The following FBXO36 variants were observed in gnomAD, a reference collection of about 807,000 sequenced individuals.
FBXO36 encodes the protein F-box protein 36.
In FBXO36, 18 loss-of-function variants were observed where a neutral mutation model predicts 17.0. The ratio of observed to expected loss-of-function variants is 1.06; its 90% confidence interval spans 0.73 to 1.57. The LOEUF (loss-of-function observed/expected upper bound fraction) is 1.57, where lower values mean the gene tolerates loss of function less well. Among genes scored for constraint, FBXO36 ranks in the 40% most tolerant of loss-of-function variants. The probability of loss-of-function intolerance (pLI) is 0.00; values close to 1 mark genes in which losing one functional copy is unlikely to be tolerated. For synonymous variants in FBXO36, 83 were observed against 85.3 expected (o/e 0.97, Z 0.15); for missense variants, 229 against 221.9 (o/e 1.03, Z -0.20).
At chr2:229,956,426 A>G (rs1189406790) in intron 1 of FBXO36, among the ~76,000 whole-genome samples, 1 of 152,220 alleles carries the variant, frequency 6.6e-6, no homozygotes, top group African/African-American at 2.4e-5. Flanking sequence ...GAAAAGGGGC[A>G]TCACAAGAAA....
In FBXO36 at chr2:230,011,598, C is replaced by CTTTTTTTTTTTT. The variant is rs5839351; in HGVS notation, c.*720_*731dup. On this transcript the variant is annotated 3_prime_UTR_variant, in exon 4 of 4. Transcript: ENST00000283946. The stretch of plus-strand genomic sequence containing the variant: ...AACCTATAAACATTTCTTTTCTTTT[C>CTTTTTTTTTTTT]TTTTTTTTTTTTTTTTTGTATTTTC... The CTTTTTTTTTTTT allele has an allele frequency of 9.6e-4, 119 of 123,368 alleles. No individual in the cohort carries two copies. The highest frequency in any genetic ancestry group is 4.9e-3 in the Middle Eastern group (1 of 206). 7.6% of individuals were successfully genotyped at this position (123,368 alleles called of 1,614,324 possible).
chr2:229,938,934 G>A (rs1363740801), intron 1 of FBXO36, among the ~76,000 whole-genome samples: 4 of 148,908 alleles, frequency 2.7e-5, no homozygotes, highest in Admixed American at 1.3e-4. Context: ...CACCATGCCC[G>A]GCTAATTTTT....
rs200877851 is a variant in FBXO36 at position 229,989,711 on chromosome 2, C to A, written c.206-7040C>A. On this transcript the variant is annotated intron_variant, in intron 2 of 3. Coordinates refer to ENST00000283946, the MANE Select transcript of FBXO36 (RefSeq NM_174899.5). ...GAGTAGCTGGGATTACAGGCACCCA[C>A]CACCACGCCTGGCTAATTTTTTTTT... 2.0e-5 allele frequency among the ~76,000 whole-genome samples: 3 copies of A among 150,440 alleles called. No individual in the cohort carries two copies. In the East Asian group the frequency reaches 5.9e-4, roughly 30 times the overall value.
chr2:229,962,069 GCTA>G (rs2077124204), intron 1 of FBXO36, among the ~76,000 whole-genome samples: 1 of 151,916 alleles, frequency 6.6e-6, no homozygotes, highest in South Asian at 2.1e-4. Context: ...TGTAATCCCA[GCTA>G]CCAGGGAGGC....
chr2:229,987,489 T>A (rs1378556844), intron 2 of FBXO36, among the ~76,000 whole-genome samples: 2 of 152,138 alleles, frequency 1.3e-5, no homozygotes, highest in East Asian at 3.8e-4. Context: ...TTAGCTCTGT[T>A]GATTTTGTTT....
chr2:229,974,956 CATA>C (rs1191762669), intron 1 of FBXO36, among the ~76,000 whole-genome samples: 2 of 152,138 alleles, frequency 1.3e-5, no homozygotes, highest in Non-Finnish European at 2.9e-5. Context: ...GAAATGCAGA[CATA>C]ATTTGGTCTG....
chr2:229,947,796 C>T (rs2077035240), intron 1 of FBXO36, among the ~76,000 whole-genome samples: 3 of 152,146 alleles, frequency 2.0e-5, no homozygotes, highest in Admixed American at 1.3e-4. Flanking sequence ...AGGTAGGTTT[C>T]AAAGGGAAGA....
intron 1 of FBXO36, among the ~76,000 whole-genome samples, chr2:229,954,234 ATTTTTTTTTTTT>A (rs60093081): frequency 2.8e-5 from 2 of 71,408 alleles, no homozygotes; most frequent in Non-Finnish European, 5.1e-5. Flanking sequence ...AACCCTTTGG[ATTTTTTTTTTTT>A]TTTTTTTTTT....
chr2:229,935,893 A>ATAC (rs2076961203), intron 1 of FBXO36, among the ~76,000 whole-genome samples: 1 of 152,178 alleles, frequency 6.6e-6, no homozygotes, highest in Non-Finnish European at 1.5e-5. Flanking sequence ...GGAGATAGAG[A>ATAC]TACTGATCAG....
In FBXO36 at chr2:229,928,242, C is replaced by T. The variant is rs186389697; in HGVS notation, c.96+5633C>T. Among the ~76,000 whole-genome samples the T allele has an allele frequency of 5.3e-5, 8 of 152,300 alleles. No individual in the cohort carries two copies. In the East Asian group the frequency reaches 1.5e-3, roughly 29 times the overall value. On this transcript the variant is annotated intron_variant, in intron 1 of 3. Coordinates refer to ENST00000283946, the MANE Select transcript of FBXO36 (RefSeq NM_174899.5). ...AAACAATGCGGTGGATCTCTGTTTA[C>T]TCAGTAGACCAAATAAAATCTTTAG...
At chr2:229,954,649 G>A (rs1316448401) in intron 1 of FBXO36, among the ~76,000 whole-genome samples, 13 of 145,746 alleles carry the variant, frequency 8.9e-5, no homozygotes, top group African/African-American at 1.8e-4. Flanking sequence ...CCAGGTTCAC[G>A]CCATTCTCCT....
At chr2:229,933,385 AAG>A (rs1030770991) in intron 1 of FBXO36, among the ~76,000 whole-genome samples, 2 of 140,066 alleles carry the variant, frequency 1.4e-5, no homozygotes, top group African/African-American at 6.6e-5. Flanking sequence ...AGAGCAAAAA[AAG>A]AGCAAAACTC....
chr2:229,923,648 T>C (rs923205599), intron 1 of FBXO36, among the ~76,000 whole-genome samples: 4 of 151,872 alleles, frequency 2.6e-5, no homozygotes, highest in East Asian at 1.9e-4. Context: ...TTTAGAAATA[T>C]TACAAATGTA....
At chr2:229,995,238 A>C (rs1353264993) in intron 2 of FBXO36, among the ~76,000 whole-genome samples, 1 of 152,234 alleles carries the variant, frequency 6.6e-6, no homozygotes, top group African/African-American at 2.4e-5. Flanking sequence ...CACCACATTT[A>C]ACCACTGTTT....
intron 1 of FBXO36, among the ~76,000 whole-genome samples, chr2:229,960,523 C>G (rs1191630036): frequency 6.6e-6 from 1 of 151,884 alleles, no homozygotes; most frequent in Admixed American, 6.6e-5. Flanking sequence ...TAGGGTGTCA[C>G]TCTGTCGCCC....
intron 1 of FBXO36, among the ~76,000 whole-genome samples, chr2:229,924,801 C>T (rs1418521932): frequency 2.0e-5 from 3 of 151,850 alleles, no homozygotes; most frequent in Admixed American, 6.6e-5. Flanking sequence ...CAGCGTCTCG[C>T]ACTGTCGCCC....
At chr2:229,976,450 T>C in intron 2 of FBXO36, 101 bp downstream of exon 2, 1 of 775,322 alleles carries the variant, frequency 1.3e-6, no homozygotes, top group Non-Finnish European at 2.2e-6. Flanking sequence ...GAAATATTGA[T>C]ATGCAGTTAT....
intron 2 of FBXO36, among the ~76,000 whole-genome samples, chr2:229,994,013 C>T (rs1248871045): frequency 6.6e-6 from 1 of 151,974 alleles, no homozygotes. Context: ...ACCTCGTGAT[C>T]CACCCTCCTC....
At chr2:230,008,415 G>C (rs1334135177) in intron 3 of FBXO36, among the ~76,000 whole-genome samples, 2 of 152,178 alleles carry the variant, frequency 1.3e-5, no homozygotes, top group Non-Finnish European at 2.9e-5. Context: ...CAAAACTATA[G>C]AACCTTTCGT....
Sources: gnomAD v4.1 joint callset for allele counts (sites outside exome capture counted in the v4.1 genomes callset) on GRCh38, gnomAD v4.1.1 for gene constraint, MANE v1.5 for transcripts, NCBI Gene and HGNC (gene_info 2026-07-23, HGNC 2026-07-21) for gene names.